The following ETS1 variants were observed in gnomAD, a reference collection of about 807,000 sequenced individuals.
ETS1 encodes the protein ETS proto-oncogene 1, transcription factor.
In ETS1, 15 loss-of-function variants were observed where a neutral mutation model predicts 58.6. The ratio of observed to expected loss-of-function variants is 0.26; its 90% CI spans 0.17 to 0.39. The LOEUF is 0.39. ETS1 is among the 10% of genes least tolerant of loss of function. The pLI is 1.00. For missense variants in ETS1, 417 were observed against 610.5 expected, an observed-to-expected ratio of 0.68 and a Z score of 3.34; for synonymous variants, 214 against 218.2, an observed-to-expected ratio of 0.98 and a Z score of 0.17.
At chr11:128,529,261 A>C (rs1863855863) in intron 3 of ETS1, among the ~76,000 whole-genome samples, 1 of 152,216 alleles carries the variant, frequency 6.6e-6, no homozygotes, top group Non-Finnish European at 1.5e-5. Flanking sequence ...GGACTCCAGA[A>C]GCACTGTATT....
At chr11:128,570,899 T>C (rs887692429) in intron 2 of ETS1, among the ~76,000 whole-genome samples, 4 of 152,044 alleles carry the variant, frequency 2.6e-5, no homozygotes, top group African/African-American at 9.7e-5. Context: ...TAGTGGAGTG[T>C]TGGGGAGTGG....
chr11:128,460,668 T>G lies in ETS1; in HGVS notation c.*1693A>C, dbSNP rs965863171. The G allele has an allele frequency of 6.6e-6, 1 of 152,388 alleles. No individual in the cohort carries two copies. Among genetic ancestry groups the G allele is most frequent in the African/African-American group, 2.4e-5 (1 of 41,464 alleles). The allele number at this position is 152,388 out of a possible 1,614,324, so 9.4% of individuals were successfully genotyped here. ...TGACTTTTCCTCTAAAACTCCATTT[T>G]CAGATTCCCCCTCACAACCAGCAGA... On this transcript the variant is annotated 3_prime_UTR_variant, in exon 10 of 10. Coordinates refer to ENST00000392668, the MANE Select transcript of ETS1 (RefSeq NM_001143820.2).
Position 128,486,164 on chromosome 11 carries a change from G to C in ETS1, c.536-18C>G, listed in dbSNP as rs1293632008. 1 of 1,531,608 alleles carries C rather than the reference G, an allele frequency of 6.5e-7. No individual in the cohort carries two copies. The highest frequency in any genetic ancestry group is 9.0e-7 in the Non-Finnish European group (1 of 1,106,078). The allele number at this position is 1,531,608 out of a possible 1,614,324, so 94.9% of individuals were successfully genotyped here. A position where few individuals can be genotyped will look rare whatever the true frequency, so the allele number is the denominator to read the frequency against. ...CACATCCTCTGTAATGAACAGATAGGGAAGGAACAAAGAGGTCAATATTCA... is the reference window on the plus strand; with the variant it reads ...CACATCCTCTGTAATGAACAGATAGCGAAGGAACAAAGAGGTCAATATTCA... On this transcript the variant is annotated intron_variant, in intron 5 of 9. Coordinates refer to ENST00000392668, the MANE Select transcript of ETS1 (RefSeq NM_001143820.2).
At chr11:128,557,187 C>G (rs989902387) in intron 2 of ETS1, among the ~76,000 whole-genome samples, 1 of 152,140 alleles carries the variant, frequency 6.6e-6, no homozygotes, top group Admixed American at 6.5e-5. Context: ...TTCCTTAATC[C>G]AAACCTTAGT....
intron 5 of ETS1, among the ~76,000 whole-genome samples, chr11:128,487,424 G>A (rs1344502885): frequency 2.0e-5 from 3 of 152,166 alleles, no homozygotes; most frequent in Admixed American, 6.5e-5. Flanking sequence ...CACAGGATGG[G>A]ATGTTAAATT....
At chr11:128,515,093 C>T (rs1863486289) in intron 3 of ETS1, among the ~76,000 whole-genome samples, 1 of 151,824 alleles carries the variant, frequency 6.6e-6, no homozygotes, top group Non-Finnish European at 1.5e-5. Context: ...TTTAATGGTA[C>T]AAAAAGAAAA....
At chr11:128,479,447 C>T (rs1447759848) in intron 8 of ETS1, among the ~76,000 whole-genome samples, 2 of 152,238 alleles carry the variant, frequency 1.3e-5, no homozygotes, top group Non-Finnish European at 2.9e-5. Flanking sequence ...CTCAGATATA[C>T]TCTCCACATG....
intron 3 of ETS1, among the ~76,000 whole-genome samples, chr11:128,499,887 A>G (rs999255484): frequency 6.6e-6 from 1 of 152,102 alleles, no homozygotes; most frequent in African/African-American, 2.4e-5. Context: ...CTCCATGGGC[A>G]AATGAAAAAT....
chr11:128,552,425 G>A (rs751029633), intron 3 of ETS1, among the ~76,000 whole-genome samples: 6 of 152,176 alleles, frequency 3.9e-5, no homozygotes, highest in Non-Finnish European at 8.8e-5. Flanking sequence ...ATGGTAATAA[G>A]ACTATAGGTT....
rs533464410 is a variant in ETS1, at chr11:128,564,923, T to G, written c.69+8139A>C. On this transcript the variant is annotated intron_variant, in intron 2 of 9. Coordinates refer to ENST00000392668, the MANE Select transcript of ETS1 (RefSeq NM_001143820.2). ...TACACAATGGAGTTTGGGTTTTTTG[T>G]TTTTTTTTGTTTTTTCCAGAATCAG... is the stretch of plus-strand genomic sequence containing the variant. Among the ~76,000 whole-genome samples the G allele has an allele frequency of 1.7e-3, 258 of 149,376 alleles. 1 individual carries two copies. The highest frequency in any genetic ancestry group is 5.8e-3 in the African/African-American group (237 of 40,808).
chr11:128,564,157 G>C (rs551094393), intron 2 of ETS1, among the ~76,000 whole-genome samples: 3 of 152,142 alleles, frequency 2.0e-5, no homozygotes, highest in African/African-American at 7.2e-5. Context: ...CCCTTGAGAG[G>C]TAAAAGGGAA....
chr11:128,498,135 T>C (rs1057037423), intron 3 of ETS1, among the ~76,000 whole-genome samples: 1 of 152,190 alleles, frequency 6.6e-6, no homozygotes, highest in Non-Finnish European at 1.5e-5. Context: ...CTACCCACCA[T>C]GCTGTGAGGA....
Position 128,556,422 on chromosome 11 carries a change from C to T in ETS1, c.83G>A (p.Ser28Asn). ...PRPAVVRQGP[S>N]NTYEDPRMNC... ...CATTCGAGGATCTTCATAAGTGTTG[C>T]TAGGTCCTTGCCTCTGTGCAAGAAA... is the stretch of plus-strand genomic sequence containing the variant. Residue 28 changes from serine to asparagine, a missense_variant, in exon 3 of 10, where the codon AGC (serine) becomes AAC (asparagine). Physicochemically the swap from Ser to Asn is conservative, Grantham distance 46. Transcript: ENST00000392668. 6.2e-7 allele frequency: 1 copy of T among 1,610,200 alleles called. No individual in the cohort carries two copies. Among genetic ancestry groups the T allele is most frequent in the Non-Finnish European group, 8.5e-7 (1 of 1,178,134 alleles).
rs186702010 is a variant in ETS1 at position 128,570,221 on chromosome 11, T to C, written c.69+2841A>G. Among the ~76,000 whole-genome samples, 22 of 150,496 alleles carry C rather than the reference T, an allele frequency of 1.5e-4. No individual in the cohort carries two copies. In the East Asian group the frequency reaches 3.7e-3, roughly 25 times the overall value. Reference sequence around the variant, plus strand: ...CATATTTGTGTGACATTTCTTTCTTTCTTTCTTTTTCTTTTCCTTTTTTTT... The same window carrying C: ...CATATTTGTGTGACATTTCTTTCTTCCTTTCTTTTTCTTTTCCTTTTTTTT... On this transcript the variant is annotated intron_variant, in intron 2 of 9. Coordinates refer to ENST00000392668, the MANE Select transcript of ETS1 (RefSeq NM_001143820.2).
At chr11:128,470,930 A>C (rs1436826442) in intron 8 of ETS1, among the ~76,000 whole-genome samples, 1 of 152,196 alleles carries the variant, frequency 6.6e-6, no homozygotes, top group Non-Finnish European at 1.5e-5. Context: ...ACCAAAAGAG[A>C]CAGCAGATGC....
At chr11:128,584,442 T>C (rs1565420389) in intron 1 of ETS1, among the ~76,000 whole-genome samples, 1 of 152,096 alleles carries the variant, frequency 6.6e-6, no homozygotes, top group East Asian at 1.9e-4. Flanking sequence ...AGCCTCAGAG[T>C]CCCCACCTGG....
chr11:128,529,864 C>T (rs1409908228), intron 3 of ETS1, among the ~76,000 whole-genome samples: 1 of 152,126 alleles, frequency 6.6e-6, no homozygotes, highest in African/African-American at 2.4e-5. Context: ...CTAGCTTCAC[C>T]AATGCTAACT....
At chr11:128,517,157 C>T (rs376965233) in intron 3 of ETS1, among the ~76,000 whole-genome samples, 8 of 152,280 alleles carry the variant, frequency 5.3e-5, no homozygotes, top group East Asian at 3.9e-4. Context: ...TTCCCCAAGC[C>T]GTATGAAGCA....
At chr11:128,557,470 A>G (rs1864330766) in intron 2 of ETS1, among the ~76,000 whole-genome samples, 1 of 152,372 alleles carries the variant, frequency 6.6e-6, no homozygotes, top group Middle Eastern at 3.4e-3. Flanking sequence ...ATTGTATGAA[A>G]TGCATGTGAT....
Sources: allele counts gnomAD v4.1 joint callset (sites outside exome capture counted in the v4.1 genomes callset), GRCh38; gene constraint gnomAD v4.1.1; transcripts MANE v1.5; gene names NCBI Gene and HGNC (gene_info 2026-07-23, HGNC 2026-07-21).